Variants in ESRRB observed in about 807,000 individuals in gnomAD.
The protein encoded by ESRRB is estrogen related receptor beta.
A neutral mutation model predicts 46.0 loss-of-function variants in ESRRB; 16 were observed. The observed-to-expected ratio is 0.35, with a 90% CI of 0.24 to 0.53. The LOEUF (loss-of-function observed/expected upper bound fraction) is 0.53. Ranked by LOEUF, ESRRB falls within the 20% of genes least tolerant of loss-of-function variation. The pLI, the probability that ESRRB is intolerant of heterozygous loss-of-function variation, is 0.93. For synonymous variants in ESRRB, 246 were observed against 259.6 expected (o/e 0.95, Z 0.50); for missense variants, 488 against 607.4 (o/e 0.80, Z 2.07).
chr14:76,364,445 T>A (rs1378075981), intron 1 of ESRRB, among the ~76,000 whole-genome samples: 1 of 151,984 alleles, frequency 6.6e-6, no homozygotes, highest in East Asian at 1.9e-4. Context: ...TCCCAGCACT[T>A]TGGGAGGCCG....
chr14:76,443,719 T>A (rs1263832050), intron 2 of ESRRB, among the ~76,000 whole-genome samples: 2 of 151,714 alleles, frequency 1.3e-5, no homozygotes, highest in Non-Finnish European at 3.0e-5. Flanking sequence ...GAGGTTAATG[T>A]GTGTAAACTC....
At chr14:76,348,829 G>A (rs1488789058) in intron 1 of ESRRB, among the ~76,000 whole-genome samples, 1 of 152,174 alleles carries the variant, frequency 6.6e-6, no homozygotes, top group Non-Finnish European at 1.5e-5. Context: ...GTTGATGCAG[G>A]TGTTAAGTCC....
At chr14:76,429,779 A>C (rs113804807) in intron 1 of ESRRB, among the ~76,000 whole-genome samples, 24 of 152,252 alleles carry the variant, frequency 1.6e-4, no homozygotes, top group African/African-American at 5.8e-4. Flanking sequence ...AAAATAAAAT[A>C]AAATAGGCAG....
chr14:76,448,744 C>T (rs953767399), intron 2 of ESRRB, among the ~76,000 whole-genome samples: 2 of 150,086 alleles, frequency 1.3e-5, no homozygotes, highest in Admixed American at 1.3e-4. Flanking sequence ...AAGTGATCTC[C>T]CATTTCCCAG....
At chr14:76,373,261 A>G (rs1884666110), upstream of ESRRB, among the ~76,000 whole-genome samples, 1 of 152,132 alleles carries the variant, frequency 6.6e-6, no homozygotes, top group Non-Finnish European at 1.5e-5. Flanking sequence ...CCCCTCCTCT[A>G]GGTGAGCAGT....
chr14:76,462,415 C>T, intron 2 of ESRRB, 130 bp from the exon 3 acceptor site: 2 of 708,440 alleles, frequency 2.8e-6, no homozygotes, highest in Non-Finnish European at 5.0e-6. Flanking sequence ...CCTCAGAGCA[C>T]CTGCTTTGAG....
At chr14:76,340,704 G>A (rs1884181544) in intron 1 of ESRRB, among the ~76,000 whole-genome samples, 1 of 152,338 alleles carries the variant, frequency 6.6e-6, no homozygotes, top group South Asian at 2.1e-4. Flanking sequence ...TACAAAGTCT[G>A]TGCCTTTCTG....
chr14:76,489,858 CA>C (rs142170871), intron 5 of ESRRB, among the ~76,000 whole-genome samples: 224 of 152,268 alleles, frequency 1.5e-3, no homozygotes, highest in African/African-American at 5.1e-3. Context: ...GGCCTCCAGG[CA>C]AGTCCAGAGA....
intron 6 of ESRRB, among the ~76,000 whole-genome samples, chr14:76,493,841 G>T (rs947833687): frequency 2.0e-5 from 3 of 152,198 alleles, no homozygotes; most frequent in Admixed American, 2.0e-4. Context: ...CAGTTCAGAG[G>T]TACCCCTTTG....
intron 1 of ESRRB, among the ~76,000 whole-genome samples, chr14:76,425,448 C>T (rs866100458): frequency 6.6e-6 from 1 of 151,920 alleles, no homozygotes; most frequent in African/African-American, 2.4e-5. Context: ...GGGTTGGATG[C>T]CCTTTGAGGT....
chr14:76,333,448 AG>A (rs535528089), intron 1 of ESRRB, among the ~76,000 whole-genome samples: 1 of 15,140 alleles, frequency 6.6e-5, no homozygotes. Flanking sequence ...ATGATATATA[AG>A]TATATCATAT....
intron 1 of ESRRB, among the ~76,000 whole-genome samples, chr14:76,431,416 A>T (rs1438906737): frequency 6.6e-6 from 1 of 152,236 alleles, no homozygotes; most frequent in Non-Finnish European, 1.5e-5. Context: ...AGAACTTTTG[A>T]GATTCCCCTG....
intron 1 of ESRRB, among the ~76,000 whole-genome samples, chr14:76,433,128 G>A (rs1887526207): frequency 6.6e-6 from 1 of 152,064 alleles, no homozygotes; most frequent in Non-Finnish European, 1.5e-5. Flanking sequence ...TAGATTTCTT[G>A]GGCCCTGCCT....
chr14:76,341,454 T>C (rs920924521), intron 1 of ESRRB, among the ~76,000 whole-genome samples: 1 of 152,242 alleles, frequency 6.6e-6, no homozygotes, highest in Non-Finnish European at 1.5e-5. Context: ...CACCCGGCTC[T>C]CCTGCCTCCC....
At chr14:76,431,368 G>T (rs1332486446) in intron 1 of ESRRB, among the ~76,000 whole-genome samples, 1 of 152,208 alleles carries the variant, frequency 6.6e-6, no homozygotes, top group African/African-American at 2.4e-5. Context: ...TCCTCTAGAA[G>T]TCTAAGGCAA....
chr14:76,319,701 G>A (rs60048647), intron 1 of ESRRB, among the ~76,000 whole-genome samples: 3,404 of 152,190 alleles, frequency 0.022, 146 homozygotes, highest in African/African-American at 0.078. Flanking sequence ...ATGAGTCCCC[G>A]CAAGTTCAAA....
chr14:76,365,634 A>AGT (rs1478848717), intron 1 of ESRRB, among the ~76,000 whole-genome samples: 1 of 152,286 alleles, frequency 6.6e-6, no homozygotes, highest in East Asian at 1.9e-4. Context: ...ACATTTGTGT[A>AGT]GTGTGTGTGT....
chr14:76,368,895 C>CA (rs929743822), upstream of ESRRB, among the ~76,000 whole-genome samples: 4 of 152,246 alleles, frequency 2.6e-5, no homozygotes, highest in Non-Finnish European at 4.4e-5. Context: ...TGTAAAAACA[C>CA]AGTTAAAAGC....
At chr14:76,390,036 G>A (rs28533060) in intron 1 of ESRRB, among the ~76,000 whole-genome samples, 48,147 of 151,886 alleles carry the variant, frequency 0.32, 7,998 homozygotes, top group African/African-American at 0.41. Flanking sequence ...CTACAGATCC[G>A]CCGTCCCCCA....
Sources: allele counts gnomAD v4.1 joint callset (sites outside exome capture counted in the v4.1 genomes callset), GRCh38; gene constraint gnomAD v4.1.1; transcripts MANE v1.5; gene names NCBI Gene and HGNC (gene_info 2026-07-23, HGNC 2026-07-21).